SLC9B1: variants seen among roughly 807,000 people sequenced by gnomAD.
The protein encoded by SLC9B1 is sodium/hydrogen exchanger 9B1.
Under a neutral mutation model 51.7 loss-of-function variants are expected in SLC9B1, and 32 were observed. That is an observed-to-expected ratio of 0.62 (90% CI 0.47 to 0.83). The LOEUF (loss-of-function observed/expected upper bound fraction) is 0.83. SLC9B1 is among the 40% of genes least tolerant of loss of function. The pLI is 0.00. For synonymous variants in SLC9B1, 145 were observed against 212.7 expected (o/e 0.68, Z 2.77); for missense variants, 406 against 613.2 (o/e 0.66, Z 3.57).
intron 7 of SLC9B1, among the ~76,000 whole-genome samples, chr4:102,928,690 A>G (rs1209412671): frequency 1.3e-5 from 2 of 152,154 alleles, no homozygotes; most frequent in Non-Finnish European, 2.9e-5. Flanking sequence ...ATTAAGGAGA[A>G]TTGAATCACA....
chr4:102,974,533 G>A (rs1738955352), intron 3 of SLC9B1, among the ~76,000 whole-genome samples: 1 of 152,060 alleles, frequency 6.6e-6, no homozygotes, highest in African/African-American at 2.4e-5. Flanking sequence ...ATGACTATAT[G>A]ACAACAGTCT....
chr4:103,001,204 A>G (rs1321133078), intron 1 of SLC9B1, among the ~76,000 whole-genome samples: 2 of 152,226 alleles, frequency 1.3e-5, no homozygotes, highest in Non-Finnish European at 2.9e-5. Context: ...TGCACAAAGC[A>G]GCAAGGCCCT....
chr4:102,945,388 G>T, intron 5 of SLC9B1, 68 bp from the exon 6 acceptor site: 2 of 1,459,832 alleles, frequency 1.4e-6, no homozygotes, highest in Non-Finnish European at 1.8e-6. Flanking sequence ...TTTAACAAAT[G>T]TCAAACTATA....
intron 11 of SLC9B1, chr4:102,892,178 C>T (rs1414107526): frequency 1.3e-5 from 2 of 152,214 alleles, no homozygotes; most frequent in African/African-American, 4.8e-5. Flanking sequence ...CCCACCTCAG[C>T]CTCCCAAGTA....
At chr4:102,885,677 T>C (rs186520244) in intron 11 of SLC9B1, among the ~76,000 whole-genome samples, 41 of 152,350 alleles carry the variant, frequency 2.7e-4, no homozygotes, top group Admixed American at 2.7e-3. Flanking sequence ...TAGAGTAACA[T>C]GTATTTTAAA....
chr4:103,007,676 C>T (rs1578417006), intron 1 of SLC9B1, among the ~76,000 whole-genome samples: 1 of 146,786 alleles, frequency 6.8e-6, no homozygotes, highest in African/African-American at 2.5e-5. Flanking sequence ...GTGATCATGG[C>T]TCACTGCAGT....
intron 11 of SLC9B1, chr4:102,891,497 T>C (rs892706065): frequency 6.6e-6 from 1 of 152,176 alleles, no homozygotes; most frequent in African/African-American, 2.4e-5. Context: ...TAGTGATGAA[T>C]TGGAATCAAG....
chr4:102,995,360 T>C (rs999662776), intron 1 of SLC9B1, among the ~76,000 whole-genome samples: 2 of 152,124 alleles, frequency 1.3e-5, no homozygotes, highest in African/African-American at 4.8e-5. Context: ...GTGTCCTAAA[T>C]GAGGAGAAGC....
chr4:102,904,859 G>A (rs1475911259), intron 11 of SLC9B1, among the ~76,000 whole-genome samples: 1 of 151,922 alleles, frequency 6.6e-6, no homozygotes, highest in African/African-American at 2.4e-5. Context: ...GTGTGCACCT[G>A]TATAATCCCA....
At chr4:102,967,254 A>G (rs1738477459) in intron 3 of SLC9B1, among the ~76,000 whole-genome samples, 1 of 152,186 alleles carries the variant, frequency 6.6e-6, no homozygotes, top group Non-Finnish European at 1.5e-5. Flanking sequence ...ATGGCAATAC[A>G]GTCTTTTTCT....
At chr4:102,943,158 C>CAAAA (rs1475762867) in intron 6 of SLC9B1, among the ~76,000 whole-genome samples, 5 of 111,356 alleles carry the variant, frequency 4.5e-5, no homozygotes, top group African/African-American at 1.7e-4. Flanking sequence ...TAGCCATAAT[C>CAAAA]AAAAAAATAA....
At chr4:103,004,766 T>C (rs570671899) in intron 1 of SLC9B1, among the ~76,000 whole-genome samples, 1 of 152,192 alleles carries the variant, frequency 6.6e-6, no homozygotes, top group South Asian at 2.1e-4. Flanking sequence ...CCAGAAAAGA[T>C]TGAGGGGCCT....
intron 3 of SLC9B1, among the ~76,000 whole-genome samples, chr4:102,957,547 T>C (rs540000358): frequency 1.3e-5 from 2 of 152,122 alleles, no homozygotes; most frequent in Non-Finnish European, 2.9e-5. Flanking sequence ...TAACTGTCAA[T>C]TAAGAATTCG....
Position 102,911,445 on chromosome 4 carries a change from G to C in SLC9B1, c.922C>G (p.Pro308Ala). ...IVLGFFVRYF[P>A]SEDQKKLTLK... ...TTTGTATTTACCTGGTCTTCACTTGGAAAATATCGAACAAAAAATCCCAAA... is the reference window on the plus strand; with the variant it reads ...TTTGTATTTACCTGGTCTTCACTTGCAAAATATCGAACAAAAAATCCCAAA... Residue 308 changes from proline (P) to alanine (A), a missense_variant, in exon 8 of 12, where the codon CCA becomes GCA. Around this residue, in one of 6 missense-constraint regions of SLC9B1, gnomAD observed 250 missense variants for 394.1 expected, o/e 0.63. Transcript: ENST00000296422. The C allele has an allele frequency of 6.3e-7, 1 of 1,594,240 alleles. No homozygotes were observed. The highest frequency in any genetic ancestry group is 8.5e-7 in the Non-Finnish European group (1 of 1,177,194).
At chr4:102,985,867 G>A (rs1317484970) in intron 3 of SLC9B1, among the ~76,000 whole-genome samples, 1 of 152,042 alleles carries the variant, frequency 6.6e-6, no homozygotes, top group Non-Finnish European at 1.5e-5. Context: ...TATAGGTAGA[G>A]CAAACACTTT....
At chr4:102,903,148 C>A (rs1734865032) in intron 11 of SLC9B1, among the ~76,000 whole-genome samples, 1 of 152,120 alleles carries the variant, frequency 6.6e-6, no homozygotes, top group African/African-American at 2.4e-5. Flanking sequence ...AATAATACTG[C>A]AGGACTCGAG....
chr4:102,890,348 G>C (rs1734177389), intron 11 of SLC9B1: 2 of 152,200 alleles, frequency 1.3e-5, no homozygotes, highest in South Asian at 4.1e-4. Context: ...TGTGCTGTCA[G>C]AATCTGTATA....
At chr4:102,897,337 T>C (rs554442480), downstream of SLC9B1, 1 of 155,918 alleles carries the variant, frequency 6.4e-6, no homozygotes, top group East Asian at 1.9e-4. Flanking sequence ...AAGGGTTTGA[T>C]TTGTGTATGT....
intron 3 of SLC9B1, among the ~76,000 whole-genome samples, chr4:102,986,249 G>A (rs1739613730): frequency 1.9e-5 from 2 of 107,016 alleles, no homozygotes; most frequent in South Asian, 5.5e-4. Context: ...TCTAAGGCTG[G>A]TGTTGTTTTT....
Sources: allele counts gnomAD v4.1 joint callset (sites outside exome capture counted in the v4.1 genomes callset), GRCh38; gene constraint gnomAD v4.1.1; regional missense constraint gnomAD v4.1.1; transcripts MANE v1.5; gene names NCBI Gene and HGNC (gene_info 2026-07-23, HGNC 2026-07-21).